The following RUNX1 variants were observed in gnomAD, a reference collection of about 807,000 sequenced individuals.
The protein encoded by RUNX1 is runt-related transcription factor 1.
Under a neutral mutation model 42.8 loss-of-function variants are expected in RUNX1, and 19 were observed. The ratio of observed to expected loss-of-function variants is 0.44; its 90% confidence interval spans 0.31 to 0.65. The LOEUF (loss-of-function observed/expected upper bound fraction) is 0.65, where lower values mean the gene tolerates loss of function less well. RUNX1 is among the 30% of genes least tolerant of loss of function. RUNX1 has a pLI of 0.07. For missense variants in RUNX1, 528 were observed against 672.0 expected (o/e 0.79, Z 2.37); for synonymous variants, 271 against 289.4 (o/e 0.94, Z 0.64).
rs1180457739 is a variant in RUNX1 at position 34,887,332 on chromosome 21, C to G, written c.98-236G>C. On this transcript the variant is annotated intron_variant, in intron 3 of 8. Coordinates refer to ENST00000675419, the MANE Select transcript of RUNX1 (RefSeq NM_001754.5). ...ACGTTCTGGTTCTGCGGATCGGCCT[C>G]TGACCCAGGATGGGCTCCTAGCAAC... The G allele has an allele frequency of 2.1e-6, 3 of 1,448,552 alleles. No homozygotes were observed. In the African/African-American group the frequency reaches 4.3e-5, roughly 21 times the overall value. 89.7% of individuals were successfully genotyped at this position (1,448,552 alleles called of 1,614,324 possible). A position where few individuals can be genotyped will look rare whatever the true frequency, so the allele number is the denominator to read the frequency against.
At chr21:34,818,041 GT>G (rs2056853794) in intron 7 of RUNX1, among the ~76,000 whole-genome samples, 1 of 152,264 alleles carries the variant, frequency 6.6e-6, no homozygotes. Flanking sequence ...TGGGGACAAA[GT>G]CCCCTCTACT....
chr21:34,848,388 T>C (rs2057346862), intron 6 of RUNX1, among the ~76,000 whole-genome samples: 2 of 152,338 alleles, frequency 1.3e-5, no homozygotes, highest in East Asian at 1.9e-4. Flanking sequence ...GTTTTAGACT[T>C]GAAGCTCCAA....
chr21:34,917,039 A>G (rs1368233261), intron 2 of RUNX1, among the ~76,000 whole-genome samples: 1 of 152,220 alleles, frequency 6.6e-6, no homozygotes, highest in African/African-American at 2.4e-5. Flanking sequence ...CTGTGACCCC[A>G]TGCTGTTCCG....
chr21:35,026,041 C>T (rs1297079678), intron 2 of RUNX1, among the ~76,000 whole-genome samples: 1 of 152,020 alleles, frequency 6.6e-6, no homozygotes, highest in African/African-American at 2.4e-5. Context: ...TCTGGTGCAC[C>T]GTGGCACAGG....
At chr21:34,929,981 C>T (rs757609353) in intron 2 of RUNX1, among the ~76,000 whole-genome samples, 8 of 151,566 alleles carry the variant, frequency 5.3e-5, no homozygotes, top group Non-Finnish European at 1.2e-4. Flanking sequence ...GAATAAGATA[C>T]AACTCTTTAT....
At chr21:34,930,270 G>GTGTGTGTATATATATA (rs372412304) in intron 2 of RUNX1, among the ~76,000 whole-genome samples, 84 of 122,992 alleles carry the variant, frequency 6.8e-4, no homozygotes, top group African/African-American at 3.0e-3. Context: ...GTGTGTGTAT[G>GTGTGTGTATATATATA]TATATATATA....
chr21:34,933,101 C>A (rs1315549382), intron 2 of RUNX1, among the ~76,000 whole-genome samples: 1 of 152,096 alleles, frequency 6.6e-6, no homozygotes, highest in Non-Finnish European at 1.5e-5. Context: ...GTGTGTTCAC[C>A]CAAAGCTGTT....
chr21:34,941,802 G>C (rs1427232341), intron 2 of RUNX1, among the ~76,000 whole-genome samples: 1 of 151,152 alleles, frequency 6.6e-6, no homozygotes, highest in Admixed American at 6.6e-5. Flanking sequence ...AGCTATAGAT[G>C]ATGATTTCTT....
chr21:35,004,878 T>C (rs182845988), intron 2 of RUNX1, among the ~76,000 whole-genome samples: 60 of 152,284 alleles, frequency 3.9e-4, no homozygotes, highest in African/African-American at 1.3e-3. Flanking sequence ...TACAAGAACA[T>C]GGATGTGGTG....
chr21:34,806,082 C>G (rs1434696199), intron 7 of RUNX1, among the ~76,000 whole-genome samples: 1 of 152,138 alleles, frequency 6.6e-6, no homozygotes, highest in Non-Finnish European at 1.5e-5. Context: ...GGGGAAGAAT[C>G]AGGTGCAACA....
chr21:34,975,093 A>G (rs750784172), intron 2 of RUNX1, among the ~76,000 whole-genome samples: 4 of 152,076 alleles, frequency 2.6e-5, no homozygotes, highest in Non-Finnish European at 5.9e-5. Flanking sequence ...TAAATTGCCC[A>G]TATGCTAAAA....
chr21:34,808,801 A>G (rs1437312522), intron 7 of RUNX1, among the ~76,000 whole-genome samples: 1 of 152,162 alleles, frequency 6.6e-6, no homozygotes, highest in Non-Finnish European at 1.5e-5. Flanking sequence ...GGAAAGGGCT[A>G]CGTATTTAGG....
chr21:34,911,831 G>A (rs1388524246), intron 2 of RUNX1, among the ~76,000 whole-genome samples: 1 of 151,998 alleles, frequency 6.6e-6, no homozygotes, highest in Non-Finnish European at 1.5e-5. Flanking sequence ...ACCTTTTCAG[G>A]GGCTTTCCTT....
At chr21:34,923,656 T>TC (rs1425651751) in intron 2 of RUNX1, among the ~76,000 whole-genome samples, 26 of 152,284 alleles carry the variant, frequency 1.7e-4, no homozygotes, top group African/African-American at 6.0e-4. Flanking sequence ...CTGCTCTTCT[T>TC]ATATTTCCCA....
intron 7 of RUNX1, among the ~76,000 whole-genome samples, chr21:34,811,555 G>A (rs546303204): frequency 1.3e-5 from 2 of 152,242 alleles, no homozygotes; most frequent in South Asian, 4.2e-4. Flanking sequence ...TGATTCCCTG[G>A]CTGCCCCTTC....
intron 2 of RUNX1, among the ~76,000 whole-genome samples, chr21:35,019,849 C>G (rs1200327213): frequency 6.6e-6 from 1 of 152,158 alleles, no homozygotes; most frequent in African/African-American, 2.4e-5. Context: ...GTGCACTGAT[C>G]AGTGCACGCG....
At chr21:34,840,028 G>T (rs1285159551) in intron 6 of RUNX1, among the ~76,000 whole-genome samples, 1 of 152,128 alleles carries the variant, frequency 6.6e-6, no homozygotes, top group Non-Finnish European at 1.5e-5. Context: ...CCCAAACTCT[G>T]CCCTGCAGAT....
intron 2 of RUNX1, among the ~76,000 whole-genome samples, chr21:34,964,857 C>A (rs1430614699): frequency 6.6e-6 from 1 of 152,168 alleles, no homozygotes; most frequent in African/African-American, 2.4e-5. Flanking sequence ...GCTAGACAAG[C>A]ACCAACACCC....
chr21:34,989,022 T>A (rs1284327446), intron 2 of RUNX1, among the ~76,000 whole-genome samples: 2 of 150,756 alleles, frequency 1.3e-5, no homozygotes, highest in Non-Finnish European at 2.9e-5. Flanking sequence ...CTCTTTTTTT[T>A]TTTTTAGATG....
Sources: allele counts gnomAD v4.1 joint callset (sites outside exome capture counted in the v4.1 genomes callset), GRCh38; gene constraint gnomAD v4.1.1; transcripts MANE v1.5; gene names NCBI Gene and HGNC (gene_info 2026-07-23, HGNC 2026-07-21).